WWC1: variants seen among roughly 807,000 people sequenced by gnomAD.
WWC1 encodes WW and C2 domain containing 1, also known as protein KIBRA.
Under a neutral mutation model 138.4 loss-of-function variants are expected in WWC1, and 55 were observed. The observed-to-expected ratio is 0.40, with a 90% CI of 0.32 to 0.50. The LOEUF is 0.50. Among genes scored for constraint, WWC1 ranks in the 20% least tolerant of loss-of-function variants. WWC1 has a pLI of 0.72. For synonymous variants in WWC1, 524 were observed against 564.9 expected (o/e 0.93, Z 1.03); for missense variants, 1,226 against 1,420.4 (o/e 0.86, Z 2.20).
intron 15 of WWC1, among the ~76,000 whole-genome samples, chr5:168,433,366 G>T (rs183070587): frequency 1.3e-5 from 2 of 152,334 alleles, no homozygotes; most frequent in East Asian, 3.9e-4. Flanking sequence ...CAAGAATGTA[G>T]AGCAGCAAAG....
intron 5 of WWC1, among the ~76,000 whole-genome samples, chr5:168,403,083 C>CTTTCTTTT (rs1779503021): frequency 2.0e-5 from 2 of 100,448 alleles, no homozygotes; most frequent in East Asian, 2.9e-4. Context: ...TCTTTCTTTT[C>CTTTCTTTT]TTTCTTTTCT....
intron 17 of WWC1, among the ~76,000 whole-genome samples, chr5:168,448,168 A>G (rs1755449923): frequency 6.6e-6 from 1 of 152,082 alleles, no homozygotes; most frequent in African/African-American, 2.4e-5. Flanking sequence ...TAGTGGGGCA[A>G]ACCATCTGCG....
At chr5:168,333,526 A>G (rs1159832100) in intron 1 of WWC1, among the ~76,000 whole-genome samples, 1 of 152,170 alleles carries the variant, frequency 6.6e-6, no homozygotes, top group African/African-American at 2.4e-5. Flanking sequence ...GGCCAGGTCT[A>G]GGTTTAGAGG....
chr5:168,373,760 G>T (rs1381563517), intron 2 of WWC1, among the ~76,000 whole-genome samples: 1 of 149,192 alleles, frequency 6.7e-6, no homozygotes, highest in Non-Finnish European at 1.5e-5. Flanking sequence ...AAAAAGGTGG[G>T]GGTGTGCTGG....
intron 1 of WWC1, among the ~76,000 whole-genome samples, chr5:168,333,013 T>C (rs901986913): frequency 6.6e-6 from 1 of 152,202 alleles, no homozygotes; most frequent in African/African-American, 2.4e-5. Flanking sequence ...CTGGCCATTT[T>C]TCACTTTTAT....
At chr5:168,407,929 C>T (rs1779925052) in intron 6 of WWC1, among the ~76,000 whole-genome samples, 3 of 151,582 alleles carry the variant, frequency 2.0e-5, no homozygotes, top group African/African-American at 7.3e-5. Flanking sequence ...GTGGCATGAT[C>T]ATAGCTCACT....
At chr5:168,333,629 G>A (rs896439073) in intron 1 of WWC1, among the ~76,000 whole-genome samples, 4 of 152,302 alleles carry the variant, frequency 2.6e-5, no homozygotes, top group Non-Finnish European at 2.9e-5. Context: ...CTCTGCACTG[G>A]TGTGGCTGCG....
At chr5:168,399,943 T>C (rs1461766122) in intron 5 of WWC1, among the ~76,000 whole-genome samples, 1 of 152,146 alleles carries the variant, frequency 6.6e-6, no homozygotes, top group African/African-American at 2.4e-5. Context: ...ACAAACAAAA[T>C]ACACTTCTTT....
rs899033997 is a variant in WWC1 at position 168,422,028 on chromosome 5, G to A, written c.1205G>A (p.Arg402Lys). The change falls in exon 10 of 23, where the codon AGG (arginine) becomes AAG (lysine). Residue 402 changes from arginine to lysine, a missense_variant. Transcript: ENST00000265293. ...TCCAGGTTAAAGTTAAACAGTAAGA[G>A]GAACCAGCTTGTGAGAGAACTGGAG... ...LTERLKLNSK[R>K]NQLVRELEEA... The A allele has an allele frequency of 1.9e-6, 3 of 1,612,078 alleles. No individual in the cohort carries two copies. Among genetic ancestry groups the A allele is most frequent in the Non-Finnish European group, 2.5e-6 (3 of 1,178,910 alleles).
chr5:168,456,565 G>A (rs1756345110), intron 19 of WWC1, among the ~76,000 whole-genome samples: 1 of 152,012 alleles, frequency 6.6e-6, no homozygotes, highest in South Asian at 2.1e-4. Flanking sequence ...GGGGGGCAGA[G>A]GTTGCAGTAA....
At chr5:168,302,270 C>T (rs1581858541) in intron 1 of WWC1, among the ~76,000 whole-genome samples, 2 of 152,300 alleles carry the variant, frequency 1.3e-5, no homozygotes, top group Non-Finnish European at 2.9e-5. Flanking sequence ...TTTATCACGT[C>T]CCACCCAGCG....
intron 16 of WWC1, among the ~76,000 whole-genome samples, chr5:168,442,303 C>T (rs1328927494): frequency 6.6e-6 from 1 of 151,912 alleles, no homozygotes; most frequent in East Asian, 1.9e-4. Flanking sequence ...TAATATGAGC[C>T]TTAAAAGGTT....
chr5:168,362,393 C>A (rs1213125784), intron 1 of WWC1, among the ~76,000 whole-genome samples: 1 of 152,190 alleles, frequency 6.6e-6, no homozygotes, highest in Non-Finnish European at 1.5e-5. Context: ...GGTCACACAG[C>A]TAGAAAATGA....
intron 2 of WWC1, among the ~76,000 whole-genome samples, chr5:168,376,406 A>T (rs1366177868): frequency 6.6e-6 from 1 of 152,208 alleles, no homozygotes; most frequent in South Asian, 2.1e-4. Context: ...ATTTTAACAC[A>T]TAATGGAGGA....
chr5:168,371,600 C>G, intron 2 of WWC1, 67 bp downstream of exon 2: 1 of 1,215,768 alleles, frequency 8.2e-7, no homozygotes, highest in South Asian at 1.3e-5. Flanking sequence ...CCCATCCTCC[C>G]TCCAAGTCTG....
intron 17 of WWC1, among the ~76,000 whole-genome samples, chr5:168,451,372 G>C (rs1260884295): frequency 6.6e-6 from 1 of 152,146 alleles, no homozygotes; most frequent in Non-Finnish European, 1.5e-5. Flanking sequence ...CTTCACCTGG[G>C]AAGATGGTCA....
At position 168,408,647 on chromosome 5, in the gene WWC1, G is replaced by C; in HGVS notation, c.861G>C (p.Ser287=). 6.2e-7 allele frequency: 1 copy of C among 1,614,098 alleles called. No individual in the cohort carries two copies. The highest frequency in any genetic ancestry group is 8.5e-7 in the Non-Finnish European group (1 of 1,179,974). ...YLDVSSQTDI[S]GSFGINSNNQ... is the part of the protein sequence containing the mutation. ...ATGTGAGCTCCCAGACAGACATCTC[G>C]GGAAGCGTGAGTAGACGGGGCAGGT... Residue 287 remains serine, a synonymous_variant, in exon 7 of 23, where the codon TCG becomes TCC. Transcript: ENST00000265293.
chr5:168,351,857 C>T (rs1774988692), intron 1 of WWC1, among the ~76,000 whole-genome samples: 1 of 152,142 alleles, frequency 6.6e-6, no homozygotes, highest in South Asian at 2.1e-4. Flanking sequence ...TGAGTAGACT[C>T]CACTCAGAAC....
At chr5:168,395,105 C>G (rs1030876293) in intron 3 of WWC1, among the ~76,000 whole-genome samples, 4 of 152,206 alleles carry the variant, frequency 2.6e-5, no homozygotes, top group Admixed American at 2.0e-4. Flanking sequence ...ACGATGCATG[C>G]CTCAAGTCAG....
Sources: gnomAD v4.1 joint callset for allele counts (sites outside exome capture counted in the v4.1 genomes callset) on GRCh38, gnomAD v4.1.1 for gene constraint, MANE v1.5 for transcripts, NCBI Gene and HGNC (gene_info 2026-07-23, HGNC 2026-07-21) for gene names.